Variants in ABCB1 observed in about 807,000 individuals in gnomAD.
The protein encoded by ABCB1 is ATP-dependent translocase ABCB1.
In ABCB1, 69 loss-of-function variants were observed where a neutral mutation model predicts 142.0. The ratio of observed to expected loss-of-function variants is 0.49; its 90% CI spans 0.40 to 0.59. ABCB1 has a LOEUF of 0.59. Among genes scored for constraint, ABCB1 ranks in the 20% least tolerant of loss-of-function variants. The pLI is 0.00. For synonymous variants in ABCB1, 532 were observed against 539.2 expected, an observed-to-expected ratio of 0.99 and a Z score of 0.18; for missense variants, 1,326 against 1,554.7, an observed-to-expected ratio of 0.85 and a Z score of 2.47.
chr7:87,506,117 G>A, intron 26 of ABCB1, 74 bp from the exon 27 acceptor site: 2 of 1,482,822 alleles, frequency 1.3e-6, no homozygotes, highest in Admixed American at 3.4e-5. Context: ...TAGAAAGTAG[G>A]ATAGACGATT....
At chr7:87,610,751 G>A (rs1304916893) in intron 1 of ABCB1, among the ~76,000 whole-genome samples, 1 of 152,124 alleles carries the variant, frequency 6.6e-6, no homozygotes, top group African/African-American at 2.4e-5. Flanking sequence ...TGCCACTTGG[G>A]TGGCTCTATG....
intron 1 of ABCB1, among the ~76,000 whole-genome samples, chr7:87,617,123 A>G (rs1820056979): frequency 6.6e-6 from 1 of 152,190 alleles, no homozygotes; most frequent in South Asian, 2.1e-4. Flanking sequence ...GTAAAATGAG[A>G]TTATCTAGAT....
chr7:87,584,627 G>C (rs1026084502), intron 4 of ABCB1, among the ~76,000 whole-genome samples: 7 of 152,210 alleles, frequency 4.6e-5, no homozygotes, highest in African/African-American at 1.7e-4. Context: ...CACTTTCCTT[G>C]AGAGCTGTGT....
chr7:87,709,390 A>G (rs1034788144), intron 1 of ABCB1: 3 of 985,324 alleles, frequency 3.0e-6, no homozygotes, highest in Non-Finnish European at 2.4e-6. Context: ...GCCAGCCAGT[A>G]GCTTGCCTCT....
intron 4 of ABCB1, among the ~76,000 whole-genome samples, chr7:87,584,625 T>C (rs1818654821): frequency 6.6e-6 from 1 of 152,296 alleles, no homozygotes; most frequent in Admixed American, 6.5e-5. Flanking sequence ...CCCACTTTCC[T>C]TGAGAGCTGT....
chr7:87,544,433 T>C (rs1241770823), intron 16 of ABCB1, among the ~76,000 whole-genome samples, 158 bp from the exon 17 acceptor site: 2 of 152,202 alleles, frequency 1.3e-5, no homozygotes, highest in Non-Finnish European at 2.9e-5. Context: ...ATAGTGATTA[T>C]TATTTAGCTT....
chr7:87,521,852 T>A (rs1342183552), intron 21 of ABCB1: 1 of 771,670 alleles, frequency 1.3e-6, no homozygotes, highest in South Asian at 1.3e-5. Flanking sequence ...TATGGAAAAA[T>A]TGAAGTGATT....
chr7:87,605,244 A>C (rs374484920), upstream of ABCB1, among the ~76,000 whole-genome samples: 2 of 152,162 alleles, frequency 1.3e-5, no homozygotes, highest in East Asian at 3.9e-4. Context: ...AGCAATTCTC[A>C]TGCCTCAGCC....
At chr7:87,537,627 A>G (rs1816356310) in intron 19 of ABCB1, among the ~76,000 whole-genome samples, 1 of 152,204 alleles carries the variant, frequency 6.6e-6, no homozygotes, top group African/African-American at 2.4e-5. Flanking sequence ...AATGTTAAAC[A>G]GTGAAACTCT....
At chr7:87,597,817 T>C (rs1819265948) in intron 2 of ABCB1, among the ~76,000 whole-genome samples, 2 of 152,308 alleles carry the variant, frequency 1.3e-5, no homozygotes, top group South Asian at 4.1e-4. Flanking sequence ...GGCTAATATC[T>C]AATGCACATT....
At chr7:87,542,126 T>A (rs1816566605) in intron 17 of ABCB1, among the ~76,000 whole-genome samples, 2 of 152,152 alleles carry the variant, frequency 1.3e-5, no homozygotes, top group South Asian at 2.1e-4. Context: ...CCAAAATCAG[T>A]CTTGTAAGAT....
At chr7:87,529,559 C>T (rs1482972360) in intron 21 of ABCB1, among the ~76,000 whole-genome samples, 1 of 152,202 alleles carries the variant, frequency 6.6e-6, no homozygotes, top group Non-Finnish European at 1.5e-5. Context: ...TCTGACAGAA[C>T]TCCAAGAGTC....
intron 4 of ABCB1, among the ~76,000 whole-genome samples, chr7:87,572,771 A>G (rs1302961300): frequency 1.3e-5 from 2 of 152,282 alleles, no homozygotes. Flanking sequence ...GCTGGAGGCC[A>G]TTATCCTTAG....
At chr7:87,531,120 G>A (rs541859155) in intron 21 of ABCB1, among the ~76,000 whole-genome samples, 174 bp downstream of exon 21, 3 of 152,256 alleles carry the variant, frequency 2.0e-5, no homozygotes, top group Non-Finnish European at 2.9e-5. Context: ...CCAAGAACTG[G>A]CTTTGCTACT....
intron 4 of ABCB1, among the ~76,000 whole-genome samples, chr7:87,571,459 G>A (rs1333214916): frequency 6.6e-6 from 1 of 152,162 alleles, no homozygotes; most frequent in African/African-American, 2.4e-5. Context: ...AGGGACTTCA[G>A]CTACTATAAC....
At chr7:87,606,566 A>T (rs1819660887) in intron 1 of ABCB1, among the ~76,000 whole-genome samples, 1 of 152,146 alleles carries the variant, frequency 6.6e-6, no homozygotes, top group South Asian at 2.1e-4. Flanking sequence ...TCTTTAAAAA[A>T]GTAGTAATAT....
At chr7:87,542,525 A>C (rs1194143556) in intron 17 of ABCB1, among the ~76,000 whole-genome samples, 1 of 152,230 alleles carries the variant, frequency 6.6e-6, no homozygotes, top group Non-Finnish European at 1.5e-5. Flanking sequence ...TTGCCTACTC[A>C]ATATCTAAGA....
At chr7:87,670,954 C>T (rs1023234264) in intron 1 of ABCB1, among the ~76,000 whole-genome samples, 1 of 152,050 alleles carries the variant, frequency 6.6e-6, no homozygotes, top group Non-Finnish European at 1.5e-5. Flanking sequence ...CTGCCCACTG[C>T]AGCTTTGGGG....
chr7:87,620,964 G>A (rs781719035), intron 1 of ABCB1, among the ~76,000 whole-genome samples: 10 of 151,712 alleles, frequency 6.6e-5, no homozygotes, highest in Non-Finnish European at 1.3e-4. Context: ...CATAATACCA[G>A]TCCGAAACTC....
Sources: gnomAD v4.1 joint callset for allele counts (sites outside exome capture counted in the v4.1 genomes callset) on GRCh38, gnomAD v4.1.1 for gene constraint, MANE v1.5 for transcripts, NCBI Gene and HGNC (gene_info 2026-07-23, HGNC 2026-07-21) for gene names.